Variants in ZNF480 observed in about 807,000 individuals in gnomAD.
ZNF480 encodes zinc finger protein 480.
ZNF480 carries 15 observed loss-of-function variants against 14.4 expected under a neutral mutation model. The ratio of observed to expected loss-of-function variants is 1.04; its 90% CI spans 0.70 to 1.60. The LOEUF is 1.60. ZNF480 is among the 40% of genes most tolerant of loss of function. The pLI, the probability that ZNF480 is intolerant of heterozygous loss-of-function variation, is 0.00. For missense variants in ZNF480, 593 were observed against 629.7 expected, an observed-to-expected ratio of 0.94 and a Z score of 0.62; for synonymous variants, 218 against 215.5, an observed-to-expected ratio of 1.01 and a Z score of -0.10.
intron 2 of ZNF480, among the ~76,000 whole-genome samples, chr19:52,304,488 C>T (rs1454313102): frequency 6.6e-6 from 1 of 152,062 alleles, no homozygotes; most frequent in Non-Finnish European, 1.5e-5. Flanking sequence ...TCTAAAGCCT[C>T]CAGTTTCTCT....
At chr19:52,308,794 G>A (rs919277640) in intron 2 of ZNF480, 4 of 108,180 alleles carry the variant, frequency 3.7e-5, no homozygotes, top group Non-Finnish European at 6.5e-5. Flanking sequence ...CTCAGAGATT[G>A]GAGCAGATTT....
intron 2 of ZNF480, among the ~76,000 whole-genome samples, chr19:52,303,346 T>G (rs943406084): frequency 6.6e-6 from 1 of 152,224 alleles, no homozygotes; most frequent in African/African-American, 2.4e-5. Flanking sequence ...TATTAAGCAC[T>G]CCCACGAAAT....
In ZNF480 at chr19:52,300,545, G is replaced by A. The variant is rs551073546; in HGVS notation, c.72+61G>A. 94 of 1,600,976 alleles carry A rather than the reference G, an allele frequency of 5.9e-5. No homozygotes were observed. The South Asian group carries it at 7.3e-4, about 12-fold the overall frequency. Reference sequence around the variant, plus strand: ...TTTCTTTCAGAAACGCTGGGCCTTCGAGTTGGGAGTCTTCTCTGAGTCTGA... The same window carrying A: ...TTTCTTTCAGAAACGCTGGGCCTTCAAGTTGGGAGTCTTCTCTGAGTCTGA... On this transcript the variant is annotated intron_variant, in intron 2 of 4. Coordinates refer to ENST00000595962, the MANE Select transcript of ZNF480 (RefSeq NM_144684.4).
intron 2 of ZNF480, chr19:52,301,498 TC>T (rs1404295674): frequency 6.6e-6 from 1 of 152,226 alleles, no homozygotes; most frequent in Non-Finnish European, 1.5e-5. Flanking sequence ...AGTATTCCAA[TC>T]ACATTGTATC....
At position 52,315,859 on chromosome 19, in the gene ZNF480, T is replaced by G. The variant is rs1296958447; in HGVS notation, c.225T>G (p.Ile75Met). ...SLGISLPDLN[I>M]NSMLEQRREP... ...GAATCTCTCTTCCTGACCTGAATAT[T>G]AACTCCATGTTGGAGCAAAGGAGGG... Residue 75 changes from isoleucine (I) to methionine (M), a missense_variant, in exon 4 of 5, where the codon ATT becomes ATG. By Grantham distance (10) the Ile-to-Met change is conservative. Transcript: ENST00000595962. The G allele has an allele frequency of 6.2e-7, 1 of 1,612,556 alleles. No individual in the cohort carries two copies. Among genetic ancestry groups the G allele is most frequent in the Non-Finnish European group, 8.5e-7 (1 of 1,179,114 alleles).
rs1329913916 is a variant in ZNF480 at position 52,324,893 on chromosome 19, C to A, written c.*2035C>A. ...GCTGGAAAAGACTTAATGATGAACA[C>A]CCCAAAGCAATTGCAACAAAAACAA... On this transcript the variant is annotated 3_prime_UTR_variant, in exon 5 of 5. Coordinates refer to ENST00000595962, the MANE Select transcript of ZNF480 (RefSeq NM_144684.4). 2.0e-5 allele frequency: 3 copies of A among 152,110 alleles called. No homozygotes were observed. The highest frequency in any genetic ancestry group is 7.2e-5 in the African/African-American group (3 of 41,426). 9.4% of individuals were successfully genotyped at this position (152,110 alleles called of 1,614,324 possible).
At chr19:52,311,932 T>C (rs1415837433) in intron 2 of ZNF480, among the ~76,000 whole-genome samples, 1 of 152,184 alleles carries the variant, frequency 6.6e-6, no homozygotes, top group Non-Finnish European at 1.5e-5. Context: ...TAAGTGTACA[T>C]ATATATAAGT....
At chr19:52,315,411 G>A (rs1189554512) in intron 3 of ZNF480, among the ~76,000 whole-genome samples, 1 of 151,946 alleles carries the variant, frequency 6.6e-6, no homozygotes, top group Non-Finnish European at 1.5e-5. Flanking sequence ...CGCCTCCTGG[G>A]GTCAAATGAT....
intron 4 of ZNF480, among the ~76,000 whole-genome samples, chr19:52,321,035 AG>A (rs1983786256): frequency 6.6e-6 from 1 of 152,154 alleles, no homozygotes; most frequent in African/African-American, 2.4e-5. Context: ...GTCTTTTTCT[AG>A]GTTTGGCTTT....
chr19:52,316,445 G>A (rs796733840), intron 4 of ZNF480, among the ~76,000 whole-genome samples: 2 of 152,122 alleles, frequency 1.3e-5, no homozygotes, highest in African/African-American at 4.8e-5. Flanking sequence ...GGCCAGGCTG[G>A]TCTCGAACTC....
At chr19:52,310,021 C>G (rs28756167) in intron 2 of ZNF480, among the ~76,000 whole-genome samples, 1 of 151,272 alleles carries the variant, frequency 6.6e-6, no homozygotes, top group Non-Finnish European at 1.5e-5. Flanking sequence ...ATATTTTTTT[C>G]TTTTTTTTAA....
intron 4 of ZNF480, among the ~76,000 whole-genome samples, chr19:52,319,069 A>C (rs1233367703): frequency 6.6e-6 from 1 of 151,918 alleles, no homozygotes; most frequent in African/African-American, 2.4e-5. Flanking sequence ...TCACCACGTT[A>C]GTCAGTCTGG....
chr19:52,315,329 T>G (rs558693105), intron 3 of ZNF480, among the ~76,000 whole-genome samples: 39 of 151,992 alleles, frequency 2.6e-4, no homozygotes, highest in African/African-American at 9.2e-4. Context: ...TTTTGTTTTT[T>G]TTTTTTGAGA....
At chr19:52,309,792 ATTC>A (rs944914426) in intron 2 of ZNF480, among the ~76,000 whole-genome samples, 1 of 152,098 alleles carries the variant, frequency 6.6e-6, no homozygotes, top group South Asian at 2.1e-4. Flanking sequence ...TGGCCCACGT[ATTC>A]TTGTTTAATT....
rs1983855847 is a variant in ZNF480, at chr19:52,322,119, A to T, written c.869A>T (p.Asn290Ile). 1 of 1,613,918 alleles carries T rather than the reference A, an allele frequency of 6.2e-7. No homozygotes were observed. The highest frequency in any genetic ancestry group is 8.5e-7 in the Non-Finnish European group (1 of 1,180,024). The change falls in exon 5 of 5, where the codon AAT becomes ATT. Residue 290 changes from asparagine (N) to isoleucine (I), a missense_variant. By Grantham distance (149) the Asn-to-Ile change is moderately radical (BLOSUM62 -3). Coordinates refer to ENST00000595962, the MANE Select transcript of ZNF480 (RefSeq NM_144684.4). ...IHTREKPYEC[N>I]ECGKVFSNNS... ...ACCAGAGAGAAGCCGTATGAATGTA[A>T]TGAATGTGGTAAAGTCTTCAGTAAT... is the stretch of plus-strand genomic sequence containing the variant.
intron 2 of ZNF480, among the ~76,000 whole-genome samples, chr19:52,302,384 T>C (rs1006254313): frequency 6.6e-6 from 1 of 152,234 alleles, no homozygotes; most frequent in Admixed American, 6.5e-5. Flanking sequence ...GTAATTGCTG[T>C]TTTAGGGAGA....
At position 52,325,178 on chromosome 19, in the gene ZNF480, T is replaced by C. The variant is rs1238075664; in HGVS notation, c.*2320T>C. On this transcript the variant is annotated 3_prime_UTR_variant, in exon 5 of 5. Transcript: ENST00000595962. ...TGAAAAAAATGGTTAATATCGCTAA[T>C]CATTAAGGAAATGCAATCAAAGCCA... 2 of 152,206 alleles carry C rather than the reference T, an allele frequency of 1.3e-5. No homozygotes were observed. Among genetic ancestry groups the C allele is most frequent in the African/African-American group, 2.4e-5 (1 of 41,462 alleles). The allele number at this position is 152,206 out of a possible 1,614,324, so 9.4% of individuals were successfully genotyped here.
At chr19:52,309,022 C>T (rs563752252) in intron 2 of ZNF480, among the ~76,000 whole-genome samples, 1 of 152,248 alleles carries the variant, frequency 6.6e-6, no homozygotes, top group Non-Finnish European at 1.5e-5. Flanking sequence ...CTCACTGGGA[C>T]CCACTCCTGT....
At chr19:52,311,235 G>A (rs1214429651) in intron 2 of ZNF480, among the ~76,000 whole-genome samples, 2 of 151,938 alleles carry the variant, frequency 1.3e-5, no homozygotes. Flanking sequence ...TAGAATCCCA[G>A]CTTCTTGGGA....
Sources: gnomAD v4.1 joint callset for allele counts (sites outside exome capture counted in the v4.1 genomes callset) on GRCh38, gnomAD v4.1.1 for gene constraint, MANE v1.5 for transcripts, NCBI Gene and HGNC (gene_info 2026-07-23, HGNC 2026-07-21) for gene names.